CCDC7: variants seen among roughly 807,000 people sequenced by gnomAD.
CCDC7 encodes the protein coiled-coil domain containing 7.
Under a neutral mutation model 196.9 loss-of-function variants are expected in CCDC7, and 183 were observed. The ratio of observed to expected loss-of-function variants is 0.93; its 90% confidence interval spans 0.82 to 1.05. The LOEUF is 1.05. Among genes scored for constraint, CCDC7 ranks in the 50% least tolerant of loss-of-function variants. The pLI is 0.00. For synonymous variants in CCDC7, 525 were observed against 484.6 expected (o/e 1.08, Z -1.10); for missense variants, 1,540 against 1,482.2 (o/e 1.04, Z -0.64).
At chr10:32,456,876 G>A (rs558332031) in intron 3 of CCDC7, among the ~76,000 whole-genome samples, 1 of 151,910 alleles carries the variant, frequency 6.6e-6, no homozygotes, top group African/African-American at 2.4e-5. Flanking sequence ...ATTTAAATTG[G>A]CATGTAATAA....
rs1404241735 is a variant in CCDC7 at position 32,543,284 on chromosome 10, ATGTAAAAT to A, written c.994-14_994-7del. Reference sequence around the variant, plus strand: ...GTTTTTAACCCTTTATTTCTGGCTTATGTAAAATTATACAGAAAACTAAGCCTACAAAT... The same window carrying A: ...GTTTTTAACCCTTTATTTCTGGCTTATATACAGAAAACTAAGCCTACAAAT... On this transcript the variant is annotated splice_polypyrimidine_tract_variant and splice_region_variant and intron_variant, in intron 11 of 41. Transcript: ENST00000639629. 7.2e-7 allele frequency: 1 copy of A among 1,394,730 alleles called. No homozygotes were observed. The highest frequency in any genetic ancestry group is 1.6e-5 in the South Asian group (1 of 60,682). 86.4% of individuals were successfully genotyped at this position (1,394,730 alleles called of 1,614,324 possible). A position where few individuals can be genotyped will look rare whatever the true frequency, so the allele number is the denominator to read the frequency against.
intron 30 of CCDC7, among the ~76,000 whole-genome samples, chr10:32,807,791 A>C (rs1200975979): frequency 2.0e-5 from 3 of 151,844 alleles, no homozygotes; most frequent in Non-Finnish European, 4.4e-5. Context: ...AACCAAGCAG[A>C]TGCAGCATAG....
rs933374577 is a variant in CCDC7 at position 32,667,855 on chromosome 10, C to G, written c.2122+3694C>G. 5.1e-4 allele frequency among the ~76,000 whole-genome samples: 78 copies of G among 152,062 alleles called. 3 individuals carry two copies. Among genetic ancestry groups the G allele is most frequent in the Non-Finnish European group, 4.4e-5 (3 of 68,014 alleles). ...TAGGATTGACTTGGCAATGCAGGCT[C>G]TTTTTTGGTTCCATATGAACTTTAA... On this transcript the variant is annotated intron_variant, in intron 21 of 41. Transcript: ENST00000639629.
chr10:32,874,659 A>G (rs990664040), intron 41 of CCDC7, among the ~76,000 whole-genome samples: 1 of 149,460 alleles, frequency 6.7e-6, no homozygotes, highest in African/African-American at 2.5e-5. Context: ...GTGTGTATGT[A>G]TATATATATA....
chr10:32,530,781 A>G (rs1270085043), intron 11 of CCDC7, among the ~76,000 whole-genome samples: 1 of 151,740 alleles, frequency 6.6e-6, no homozygotes, highest in East Asian at 1.9e-4. Flanking sequence ...TCTGGCCAGG[A>G]CTTCCAGTGT....
At chr10:32,606,292 A>T (rs1477352304) in intron 18 of CCDC7, among the ~76,000 whole-genome samples, 1 of 152,274 alleles carries the variant, frequency 6.6e-6, no homozygotes, top group East Asian at 1.9e-4. Context: ...GCCGAGGCAG[A>T]ATGCAAGGGC....
intron 18 of CCDC7, among the ~76,000 whole-genome samples, chr10:32,602,474 G>T (rs1349775851): frequency 6.6e-6 from 1 of 152,156 alleles, no homozygotes; most frequent in Admixed American, 6.5e-5. Flanking sequence ...TTATGTTTTT[G>T]TGGGGAGTTT....
intron 20 of CCDC7, among the ~76,000 whole-genome samples, chr10:32,640,951 T>C (rs1485521421): frequency 1.3e-5 from 2 of 149,246 alleles, no homozygotes; most frequent in African/African-American, 4.9e-5. Flanking sequence ...TGTATACATG[T>C]GCCATGCTGG....
chr10:32,774,426 A>G (rs925600080), intron 28 of CCDC7, among the ~76,000 whole-genome samples: 4 of 151,928 alleles, frequency 2.6e-5, no homozygotes, highest in Non-Finnish European at 4.4e-5. Flanking sequence ...TTCACCTCCA[A>G]TTTCCTCCTC....
chr10:32,846,198 A>G (rs1783404605), intron 36 of CCDC7, among the ~76,000 whole-genome samples, 178 bp from the exon 38 acceptor site: 2 of 148,868 alleles, frequency 1.3e-5, no homozygotes, highest in African/African-American at 4.9e-5. Flanking sequence ...TGAGTTAAGT[A>G]TAGACCTTTA....
intron 15 of CCDC7, 24 bp downstream of exon 16, chr10:32,567,915 A>AC: frequency 6.3e-7 from 1 of 1,599,362 alleles, no homozygotes; most frequent in Non-Finnish European, 8.5e-7. Flanking sequence ...CAAAATGGAG[A>AC]CAGTAGTATA....
chr10:32,880,237 C>A (rs771100787), downstream of CCDC7, among the ~76,000 whole-genome samples: 1 of 152,040 alleles, frequency 6.6e-6, no homozygotes, highest in Non-Finnish European at 1.5e-5. Context: ...TTTTAATAAT[C>A]GCCATTCTGA....
chr10:32,602,243 A>C (rs541916644), intron 18 of CCDC7, among the ~76,000 whole-genome samples: 4 of 152,070 alleles, frequency 2.6e-5, no homozygotes, highest in African/African-American at 9.7e-5. Flanking sequence ...TCACTCCTGA[A>C]GTTAGCAAGA....
chr10:32,570,374 G>T (rs1031602864), intron 15 of CCDC7, among the ~76,000 whole-genome samples: 18 of 152,114 alleles, frequency 1.2e-4, no homozygotes, highest in African/African-American at 3.1e-4. Flanking sequence ...CTCTTTCCAG[G>T]CCAGTCTCAT....
chr10:32,564,879 A>T (rs977044093), intron 13 of CCDC7, among the ~76,000 whole-genome samples: 1 of 152,052 alleles, frequency 6.6e-6, no homozygotes, highest in Admixed American at 6.6e-5. Context: ...TGGAAGGCTG[A>T]GGCAGGAGGA....
intron 29 of CCDC7, among the ~76,000 whole-genome samples, chr10:32,784,876 C>A (rs575271011): frequency 6.6e-6 from 1 of 151,370 alleles, no homozygotes; most frequent in South Asian, 2.1e-4. Context: ...GTGGCACACG[C>A]GTGTGGTCCC....
chr10:32,446,945 T>TCCTCCCTCCCTC (rs71027089), upstream of CCDC7, among the ~76,000 whole-genome samples: 4 of 90,062 alleles, frequency 4.4e-5, no homozygotes, highest in African/African-American at 1.4e-4. Flanking sequence ...CCTCTTCCCT[T>TCCTCCCTCCCTC]CCTCCCTCCC....
intron 18 of CCDC7, among the ~76,000 whole-genome samples, chr10:32,587,382 G>T (rs1308565200): frequency 6.6e-6 from 1 of 152,190 alleles, no homozygotes; most frequent in Admixed American, 6.5e-5. Flanking sequence ...AGGTGGAAGG[G>T]TGAGAGAGCA....
intron 28 of CCDC7, among the ~76,000 whole-genome samples, chr10:32,747,252 A>T (rs938389747): frequency 2.0e-5 from 3 of 152,222 alleles, no homozygotes; most frequent in Admixed American, 2.0e-4. Context: ...AAAACCTACA[A>T]CTATAAAAAC....
Sources: gnomAD v4.1 joint callset for allele counts (sites outside exome capture counted in the v4.1 genomes callset) on GRCh38, gnomAD v4.1.1 for gene constraint, MANE v1.5 for transcripts, NCBI Gene and HGNC (gene_info 2026-07-23, HGNC 2026-07-21) for gene names.